The following KLC4 variants were observed in gnomAD, a reference collection of about 807,000 sequenced individuals.
KLC4 encodes the protein kinesin-like protein 8.
In KLC4, 49 loss-of-function variants were observed where a neutral mutation model predicts 77.2. The observed-to-expected ratio is 0.63, with a 90% confidence interval of 0.50 to 0.80. The LOEUF is 0.80. KLC4 is among the 30% of genes least tolerant of loss of function. The pLI, the probability that KLC4 is intolerant of heterozygous loss-of-function variation, is 0.00. For synonymous variants in KLC4, 274 were observed against 314.5 expected, an observed-to-expected ratio of 0.87 and a Z score of 1.36; for missense variants, 669 against 793.5, an observed-to-expected ratio of 0.84 and a Z score of 1.89.
intron 15 of KLC4, chr6:43,074,247 T>C (rs781045482): frequency 8.6e-6 from 4 of 464,264 alleles, no homozygotes; most frequent in East Asian, 7.1e-5. Context: ...TAAGAATTAT[T>C]TGGAGATACG....
chr6:43,066,217 G>A (rs1765412874), intron 4 of KLC4, 89 bp from the exon 5 acceptor site: 7 of 1,125,984 alleles, frequency 6.2e-6, no homozygotes, highest in Non-Finnish European at 8.0e-6. Context: ...GTGGGCACAA[G>A]TATGGAACAA....
chr6:43,059,637 T>C lies in KLC4; in HGVS notation c.-74T>C. The C allele has an allele frequency of 7.2e-7, 1 of 1,390,754 alleles. No individual in the cohort carries two copies. Among genetic ancestry groups the C allele is most frequent in the Non-Finnish European group, 9.3e-7 (1 of 1,076,854 alleles). The allele number at this position is 1,390,754 out of a possible 1,614,324, so 86.2% of individuals were successfully genotyped here. On this transcript the variant is annotated 5_prime_UTR_variant, in exon 1 of 16. Transcript: ENST00000347162. The stretch of plus-strand genomic sequence containing the variant: ...GCCTCGAGCGGCAGCCATCATGGAT[T>C]TAAAGGGGCAGTACCGGCAAGAGCG...
In KLC4 at chr6:43,071,518, A is replaced by G. The variant is rs1166622767; in HGVS notation, c.1256-49A>G. 1.9e-6 allele frequency: 3 copies of G among 1,597,248 alleles called. No homozygotes were observed. In the South Asian group the frequency reaches 3.3e-5, roughly 18 times the overall value. ...AGCCTCTGGGTCCTGGCTCTCCGAC[A>G]CTGTCTAGCTCCCATCTCTAACCTC... On this transcript the variant is annotated intron_variant, in intron 9 of 15. Coordinates refer to ENST00000347162, the MANE Select transcript of KLC4 (RefSeq NM_201521.3).
At chr6:43,060,411 G>A in intron 1 of KLC4, 3 of 1,478,786 alleles carry the variant, frequency 2.0e-6, no homozygotes, top group East Asian at 2.7e-5. Context: ...GGCAGAGGGA[G>A]GGAGGGAGGG....
chr6:43,062,864 G>A (rs756650743), intron 2 of KLC4, 53 bp from the exon 3 acceptor site: 2 of 1,507,030 alleles, frequency 1.3e-6, no homozygotes, highest in Non-Finnish European at 9.2e-7. Context: ...CCTTCCACCT[G>A]TTCCTGAATA....
intron 6 of KLC4, 79 bp from the exon 7 acceptor site, chr6:43,070,275 G>A: frequency 1.1e-6 from 1 of 930,564 alleles, no homozygotes; most frequent in South Asian, 1.4e-5. Flanking sequence ...GTTGGGCCCT[G>A]CTGGGAGGTG....
Position 43,061,368 on chromosome 6 carries a change from G to T in KLC4, c.33G>T (p.Glu11Asp). ...GCCTGGTGTTGGGGCAGCGGGATGA[G>T]CCTGCAGGCCACCGGCTCAGCCAAG... Reference protein sequence around the residue: MSGLVLGQRDEPAGHRLSQEE... With the variant: MSGLVLGQRDDPAGHRLSQEE... The change falls in exon 2 of 16, where the codon GAG becomes GAT. Residue 11 changes from glutamate (E) to aspartate (D), a missense_variant. Glu to Asp is a conservative substitution (Grantham distance 45). Coordinates refer to ENST00000347162, the MANE Select transcript of KLC4 (RefSeq NM_201521.3). 1 of 1,613,822 alleles carries T rather than the reference G, an allele frequency of 6.2e-7. No individual in the cohort carries two copies. The highest frequency in any genetic ancestry group is 8.5e-7 in the Non-Finnish European group (1 of 1,180,040).
In KLC4 at chr6:43,063,155, T is replaced by G. The variant is rs559297220; in HGVS notation, c.489+8T>G. 5.0e-6 allele frequency: 8 copies of G among 1,603,534 alleles called. No individual in the cohort carries two copies. Among genetic ancestry groups the G allele is most frequent in the Non-Finnish European group, 6.8e-6 (8 of 1,171,768 alleles). The stretch of plus-strand genomic sequence containing the variant: ...GAGGATGGACATACCTCGGTGAGTG[T>G]GCACAGGCGAGACTGGCTGAGGGGT... On this transcript the variant is annotated splice_region_variant and intron_variant, in intron 3 of 15. Transcript: ENST00000347162.
At chr6:43,060,604 A>G in intron 1 of KLC4, 1 of 1,151,974 alleles carries the variant, frequency 8.7e-7, no homozygotes, top group Non-Finnish European at 1.1e-6. Flanking sequence ...CTCTGTACAC[A>G]GGTAAGAAGG....
At chr6:43,073,135 A>T in intron 13 of KLC4, 88 bp from the exon 14 acceptor site, 2 of 1,323,190 alleles carry the variant, frequency 1.5e-6, no homozygotes, top group East Asian at 2.4e-5. Flanking sequence ...GGGGTGGGGG[A>T]TGTGTGCAGA....
intron 3 of KLC4, 91 bp downstream of exon 3, chr6:43,063,238 A>G (rs931329176): frequency 6.1e-6 from 6 of 978,228 alleles, no homozygotes; most frequent in Non-Finnish European, 9.3e-6. Context: ...CTCAGGGTCC[A>G]TCAGCTCTAC....
chr6:43,062,804 T>C, intron 2 of KLC4, 113 bp from the exon 3 acceptor site: 1 of 784,704 alleles, frequency 1.3e-6, no homozygotes, highest in Non-Finnish European at 2.1e-6. Flanking sequence ...CACCCCCACC[T>C]TCTGGCTCCT....
Position 43,074,753 on chromosome 6 carries a change from C to A in KLC4, c.*81C>A. The A allele has an allele frequency of 8.4e-7, 1 of 1,192,840 alleles. No individual in the cohort carries two copies. The highest frequency in any genetic ancestry group is 1.3e-6 in the Non-Finnish European group (1 of 796,786). The allele number at this position is 1,192,840 out of a possible 1,614,324, so 73.9% of individuals were successfully genotyped here. A position where few individuals can be genotyped will look rare whatever the true frequency, so the allele number is the denominator to read the frequency against. Reference sequence around the variant, plus strand: ...CATTCCCCATTGCTCCTGGCTCTTCCCCACCCCTAGGTGGGACAGTGAAGG... The same window carrying A: ...CATTCCCCATTGCTCCTGGCTCTTCACCACCCCTAGGTGGGACAGTGAAGG... On this transcript the variant is annotated 3_prime_UTR_variant, in exon 16 of 16. Coordinates refer to ENST00000347162, the MANE Select transcript of KLC4 (RefSeq NM_201521.3).
intron 3 of KLC4, 131 bp from the exon 4 acceptor site, chr6:43,065,489 A>G: frequency 1.6e-6 from 1 of 610,514 alleles, no homozygotes; most frequent in East Asian, 2.7e-5. Context: ...TAGCCTTTCC[A>G]GGGGCAGAGA....
chr6:43,065,369 C>T (rs745788824), intron 3 of KLC4: 1 of 404,422 alleles, frequency 2.5e-6, no homozygotes, highest in Admixed American at 3.7e-5. Flanking sequence ...CCACCACACC[C>T]GGCCAGGAAG....
In KLC4 at chr6:43,066,372, C is replaced by T. The variant is rs1016317542; in HGVS notation, c.638C>T (p.Thr213Met). ...GGYEIPARLR[T>M]LHNLVIQYAA... The stretch of plus-strand genomic sequence containing the variant: ...TATGAGATCCCAGCAAGGTTGCGGA[C>T]GTTGCACAACCTGGTGATCCAGTAC... The change falls in exon 5 of 16, where the codon ACG (threonine) becomes ATG (methionine). Residue 213 changes from threonine (T) to methionine (M), a missense_variant. Thr to Met is a moderately conservative substitution (Grantham distance 81, BLOSUM62 -1). Transcript: ENST00000347162. The T allele has an allele frequency of 2.5e-6, 4 of 1,614,144 alleles. No individual in the cohort carries two copies. Among genetic ancestry groups the T allele is most frequent in the South Asian group, 1.1e-5 (1 of 91,078 alleles).
chr6:43,073,041 C>T, intron 13 of KLC4, 77 bp downstream of exon 13: 7 of 1,506,772 alleles, frequency 4.6e-6, no homozygotes, highest in Non-Finnish European at 6.2e-6. Context: ...GCCATGCTGT[C>T]CCAGTCTAGG....
intron 4 of KLC4, 79 bp downstream of exon 4, chr6:43,065,780 G>C: frequency 1.1e-6 from 1 of 919,362 alleles, no homozygotes; most frequent in Non-Finnish European, 1.8e-6. Context: ...CTGTACACAG[G>C]ACAGTCACCA....
At chr6:43,067,418 A>G in intron 6 of KLC4, 3 of 344,924 alleles carry the variant, frequency 8.7e-6, no homozygotes, top group Admixed American at 4.6e-5. Flanking sequence ...AGGACAATAT[A>G]TACAATGTAA....
Sources: allele counts gnomAD v4.1 joint callset, GRCh38; gene constraint gnomAD v4.1.1; transcripts MANE v1.5; gene names NCBI Gene and HGNC (gene_info 2026-07-23, HGNC 2026-07-21).